Variants in CFAP251 observed in about 807,000 individuals in gnomAD.
CFAP251 encodes cilia- and flagella-associated protein 251.
Under a neutral mutation model 126.7 loss-of-function variants are expected in CFAP251, and 93 were observed. That is an observed-to-expected ratio of 0.73 (90% CI 0.62 to 0.87). CFAP251 has a LOEUF of 0.87. Among genes scored for constraint, CFAP251 ranks in the 40% least tolerant of loss-of-function variants. The pLI is 0.00. For missense variants in CFAP251, 1,287 were observed against 1,389.2 expected (o/e 0.93, Z 1.17); for synonymous variants, 503 against 506.9 (o/e 0.99, Z 0.10).
intron 19 of CFAP251, among the ~76,000 whole-genome samples, chr12:121,978,412 A>AAAAAAAAAAAAAAAAAAT (rs1882535025): frequency 6.7e-6 from 1 of 148,616 alleles, no homozygotes; most frequent in African/African-American, 2.5e-5. Context: ...AAAAAAAAAA[A>AAAAAAAAAAAAAAAAAAT]AAAAAAAAAT....
rs1467510385 is a variant in CFAP251 at position 121,928,678 on chromosome 12, A to G, written c.748-3068A>G. ...TATACGTATATATATACGTATATAT[A>G]TATATATATACGTATATATATATAT... is the stretch of plus-strand genomic sequence containing the variant. On this transcript the variant is annotated intron_variant, in intron 3 of 21. Transcript: ENST00000288912. Among the ~76,000 whole-genome samples the G allele has an allele frequency of 1.6e-4, 7 of 44,204 alleles. No homozygotes were observed. The South Asian group carries it at 1.7e-3, about 11-fold the overall frequency. The allele number at this position is 44,204 out of a possible 152,430, so 29.0% of individuals were successfully genotyped here. A position where few individuals can be genotyped will look rare whatever the true frequency, so the allele number is the denominator to read the frequency against.
chr12:121,954,636 TAAAAAAAAAAAAAAAAA>T (rs1174239421), intron 10 of CFAP251, among the ~76,000 whole-genome samples: 1 of 41,980 alleles, frequency 2.4e-5, no homozygotes, highest in African/African-American at 9.8e-5. Context: ...CCTCCTGTCT[TAAAAAAAAAAAAAAAAA>T]AAAAAAAAAA....
chr12:121,921,583 A>C lies in CFAP251; in HGVS notation c.278A>C (p.Gln93Pro). The C allele has an allele frequency of 6.2e-7, 1 of 1,614,150 alleles. No individual in the cohort carries two copies. ...EVQEKEASGI[Q>P]EETTVEPQEV... is the part of the protein sequence containing the mutation. Reference sequence around the variant, plus strand: ...CAAGAGAAGGAGGCTTCAGGAATACAGGAAGAAACCACAGTAGAGCCCCAA... The same window carrying C: ...CAAGAGAAGGAGGCTTCAGGAATACCGGAAGAAACCACAGTAGAGCCCCAA... The change falls in exon 2 of 22, where the codon CAG (glutamine) becomes CCG (proline). Residue 93 changes from glutamine to proline, a missense_variant. Transcript: ENST00000288912.
At chr12:121,957,783 A>G (rs1013573621) in intron 11 of CFAP251, among the ~76,000 whole-genome samples, 1 of 151,804 alleles carries the variant, frequency 6.6e-6, no homozygotes, top group Non-Finnish European at 1.5e-5. Flanking sequence ...TAAAGTCCTG[A>G]TCCCTGATCT....
intron 5 of CFAP251, among the ~76,000 whole-genome samples, chr12:121,942,273 C>T (rs1592973676): frequency 2.0e-5 from 3 of 152,106 alleles, no homozygotes; most frequent in East Asian, 3.8e-4. Context: ...CTATTCCGGC[C>T]GTTTCATATG....
chr12:121,970,200 C>T (rs2135795016), intron 17 of CFAP251, among the ~76,000 whole-genome samples: 1 of 152,272 alleles, frequency 6.6e-6, no homozygotes, highest in South Asian at 2.1e-4. Context: ...CCCTTCCATC[C>T]CCTCTCTCAG....
chr12:121,969,158 C>T (rs1005940612), intron 17 of CFAP251: 5 of 985,316 alleles, frequency 5.1e-6, no homozygotes, highest in African/African-American at 1.7e-5. Flanking sequence ...GCACAGTGTA[C>T]CCCCTGCCAT....
At chr12:121,968,252 G>T in intron 17 of CFAP251, 83 bp downstream of exon 17, 1 of 1,392,032 alleles carries the variant, frequency 7.2e-7, no homozygotes, top group Non-Finnish European at 9.7e-7. Context: ...ACCCTACTGC[G>T]TGCCAGGCAC....
rs978490172 is a variant in CFAP251, at chr12:121,951,617, T to C, written c.1320+87T>C. On this transcript the variant is annotated intron_variant, in intron 9 of 21. Coordinates refer to ENST00000288912, the MANE Select transcript of CFAP251 (RefSeq NM_144668.6). ...AGCTTAGCTGCTTCGGGCTACTCTT[T>C]GTACATCTTGATATTAAGCTACTGG... 1.9e-5 allele frequency: 19 copies of C among 989,564 alleles called. No homozygotes were observed. The African/African-American group carries it at 2.1e-4, about 11-fold the overall frequency. The allele number at this position is 989,564 out of a possible 1,614,324, so 61.3% of individuals were successfully genotyped here. A position where few individuals can be genotyped will look rare whatever the true frequency, so the allele number is the denominator to read the frequency against.
chr12:121,975,491 T>C, intron 18 of CFAP251, 51 bp from the exon 19 acceptor site: 1 of 1,601,704 alleles, frequency 6.2e-7, no homozygotes, highest in South Asian at 1.1e-5. Flanking sequence ...TCATGGATGC[T>C]TCAGACTTAA....
At chr12:121,973,091 T>C (rs1227949550) in intron 17 of CFAP251, among the ~76,000 whole-genome samples, 2 of 152,198 alleles carry the variant, frequency 1.3e-5, no homozygotes, top group Admixed American at 6.5e-5. Context: ...GAAAATGGTT[T>C]CTTGGGACAA....
In CFAP251 at chr12:121,989,766, G is replaced by C. The variant is rs150353710; in HGVS notation, c.3007-9950G>C. Among the ~76,000 whole-genome samples, 108 of 152,256 alleles carry C rather than the reference G, an allele frequency of 7.1e-4. No homozygotes were observed. Among genetic ancestry groups the C allele is most frequent in the African/African-American group, 2.3e-3 (95 of 41,556 alleles). The stretch of plus-strand genomic sequence containing the variant: ...GTCCTACTGGTCCATGAAACCATTA[G>C]AAAAGCAAACCTGCCCCCACCAGGA... On this transcript the variant is annotated intron_variant, in intron 19 of 21. Transcript: ENST00000288912. The surrounding 1 kb of genome is among the most constrained non-coding windows in gnomAD (Gnocchi z 4.2).
chr12:121,944,791 A>C (rs771910249), intron 7 of CFAP251, among the ~76,000 whole-genome samples: 12 of 152,164 alleles, frequency 7.9e-5, no homozygotes, highest in Non-Finnish European at 1.2e-4. Flanking sequence ...AAAATGAAAA[A>C]AAATCTTTTT....
At chr12:121,975,437 C>A in intron 18 of CFAP251, 103 bp downstream of exon 18, 1 of 1,568,072 alleles carries the variant, frequency 6.4e-7, no homozygotes, top group Non-Finnish European at 8.7e-7. Flanking sequence ...TTTGTTCCCC[C>A]ATTCAGCTTA....
At position 121,931,802 on chromosome 12, in the gene CFAP251, G is replaced by A. The variant is rs139874541; in HGVS notation, c.804G>A (p.Glu268=). 2.6e-4 allele frequency: 411 copies of A among 1,604,778 alleles called. 3 individuals are homozygous for A. In the African/African-American group the frequency reaches 4.6e-3, roughly 18 times the overall value. ...NSSLPVYYIR[E]ERQRVLLYVC... Reference sequence around the variant, plus strand: ...CTCTTCCTGTTTACTATATTCGAGAGGAAAGGCAGAGAGTTCTTCTGTATG... The same window carrying A: ...CTCTTCCTGTTTACTATATTCGAGAAGAAAGGCAGAGAGTTCTTCTGTATG... Residue 268 remains glutamate, a synonymous_variant, in exon 4 of 22, where the codon GAG becomes GAA. Transcript: ENST00000288912.
Position 121,958,423 on chromosome 12 carries a change from G to C in CFAP251, c.1882G>C (p.Gly628Arg), listed in dbSNP as rs1037732801. 3 of 1,614,186 alleles carry C rather than the reference G, an allele frequency of 1.9e-6. No homozygotes were observed. The highest frequency in any genetic ancestry group is 2.5e-6 in the Non-Finnish European group (3 of 1,180,038). The change falls in exon 12 of 22, where the codon GGG (glycine) becomes CGG (arginine). Residue 628 changes from glycine to arginine, a missense_variant. Physicochemically the swap from Gly to Arg is moderately radical, Grantham distance 125. Transcript: ENST00000288912. ...QPLIAIGSIC[G>R]MIKVWNYENK... is the part of the protein sequence containing the mutation. ...CCTCATTGCCATCGGGAGCATCTGT[G>C]GGATGATCAAAGTGTGGAATTATGA... is the stretch of plus-strand genomic sequence containing the variant.
At chr12:121,957,393 TG>T (rs1881763265) in intron 11 of CFAP251, 125 bp downstream of exon 11, 1 of 984,638 alleles carries the variant, frequency 1.0e-6, no homozygotes, top group African/African-American at 1.7e-5. Context: ...TGATAACCAC[TG>T]GATCATTTAA....
intron 20 of CFAP251, among the ~76,000 whole-genome samples, chr12:122,000,847 A>G (rs1230014710): frequency 2.0e-5 from 3 of 151,806 alleles, no homozygotes; most frequent in Admixed American, 1.3e-4. Context: ...GTTTAACACC[A>G]TTAGGAAGCA....
At position 121,964,162 on chromosome 12, in the gene CFAP251, T is replaced by C. The variant is rs1309989763; in HGVS notation, c.2492+2000T>C. ...ACCCGGGATTTGTTGTTGTTGTTGT[T>C]GTTGTTGTTGTTGTTGTAAACAGTT... On this transcript the variant is annotated intron_variant, in intron 15 of 21. Transcript: ENST00000288912. 4.0e-5 allele frequency among the ~76,000 whole-genome samples: 6 copies of C among 151,820 alleles called. No individual in the cohort carries two copies. In the East Asian group the frequency reaches 9.6e-4, roughly 24 times the overall value.
Sources: allele counts gnomAD v4.1 joint callset (sites outside exome capture counted in the v4.1 genomes callset), GRCh38; gene constraint gnomAD v4.1.1; non-coding constraint Gnocchi (gnomAD v3.1); transcripts MANE v1.5; gene names NCBI Gene and HGNC (gene_info 2026-07-23, HGNC 2026-07-21).